The following ANO3 variants were observed in gnomAD, a reference collection of about 807,000 sequenced individuals.
ANO3 encodes the protein anoctamin-3.
ANO3 carries 99 observed loss-of-function variants against 144.8 expected under a neutral mutation model. The observed-to-expected ratio is 0.68, with a 90% CI of 0.58 to 0.81. The LOEUF is 0.81. ANO3 is among the 30% of genes least tolerant of loss of function. The pLI, the probability that ANO3 is intolerant of heterozygous loss-of-function variation, is 0.00. For synonymous variants in ANO3, 414 were observed against 392.6 expected, an observed-to-expected ratio of 1.05 and a Z score of -0.64; for missense variants, 905 against 1,202.2, an observed-to-expected ratio of 0.75 and a Z score of 3.66.
intron 1 of ANO3, among the ~76,000 whole-genome samples, chr11:26,287,133 T>C (rs1416336284): frequency 5.3e-5 from 8 of 152,290 alleles, no homozygotes; most frequent in African/African-American, 1.7e-4. Context: ...GAAAGCCGAA[T>C]TGATAGAGTG....
At chr11:26,216,310 A>G (rs1233386017) in intron 1 of ANO3, among the ~76,000 whole-genome samples, 2 of 151,950 alleles carry the variant, frequency 1.3e-5, no homozygotes, top group Non-Finnish European at 2.9e-5. Flanking sequence ...GGCTTCATTA[A>G]TTAACCTCCC....
intron 17 of ANO3, among the ~76,000 whole-genome samples, chr11:26,618,387 C>A (rs1400173985): frequency 1.3e-5 from 2 of 152,072 alleles, no homozygotes; most frequent in Admixed American, 1.3e-4. Context: ...GCTCACCATC[C>A]TTGCTTCTCC....
At chr11:26,544,148 T>A (rs910454791) in intron 11 of ANO3, among the ~76,000 whole-genome samples, 20 of 150,574 alleles carry the variant, frequency 1.3e-4, no homozygotes, top group Admixed American at 2.7e-4. Context: ...TAGTTACATT[T>A]ACTTAGCTTA....
At chr11:26,584,307 T>C (rs1013595376) in intron 14 of ANO3, among the ~76,000 whole-genome samples, 1 of 152,112 alleles carries the variant, frequency 6.6e-6, no homozygotes, top group Non-Finnish European at 1.5e-5. Context: ...TACAGGTGTC[T>C]GCCACCATGC....
intron 1 of ANO3, among the ~76,000 whole-genome samples, chr11:26,281,007 T>C (rs1379605886): frequency 6.6e-6 from 1 of 152,196 alleles, no homozygotes; most frequent in Non-Finnish European, 1.5e-5. Context: ...GTCTCTATCA[T>C]TGTTTTATCC....
intron 1 of ANO3, among the ~76,000 whole-genome samples, chr11:26,415,582 A>G (rs1172821264): frequency 6.6e-6 from 1 of 152,000 alleles, no homozygotes; most frequent in Non-Finnish European, 1.5e-5. Context: ...CATCTTTCCT[A>G]TTGCAAAAAG....
At chr11:26,579,646 G>C (rs1195444057) in intron 14 of ANO3, among the ~76,000 whole-genome samples, 1 of 152,168 alleles carries the variant, frequency 6.6e-6, no homozygotes. Flanking sequence ...CAACAGATTA[G>C]ATATGCTAGG....
chr11:26,262,399 C>T (rs1227775919), intron 1 of ANO3, among the ~76,000 whole-genome samples: 1 of 152,014 alleles, frequency 6.6e-6, no homozygotes, highest in Non-Finnish European at 1.5e-5. Context: ...GGCCCAGTAA[C>T]CCACTATGCT....
At chr11:26,282,058 T>C (rs7945497) in intron 1 of ANO3, among the ~76,000 whole-genome samples, 15,604 of 152,146 alleles carry the variant, frequency 0.1, 1,354 homozygotes, top group African/African-American at 0.24. Flanking sequence ...TGAAGCAGTG[T>C]TTGGGGTTAC....
rs1252832135 is a variant in ANO3 at position 26,660,987 on chromosome 11, T to C, written c.*543T>C. 1.3e-5 allele frequency: 2 copies of C among 152,910 alleles called. No individual in the cohort carries two copies. The highest frequency in any genetic ancestry group is 1.9e-4 in the East Asian group (1 of 5,190). 9.5% of individuals were successfully genotyped at this position (152,910 alleles called of 1,614,324 possible). ...TTGCCCATGTCTCTTGCTGAGATTA[T>C]GGATCTGTGCCACAGGGGATTTATG... On this transcript the variant is annotated 3_prime_UTR_variant, in exon 27 of 27. Coordinates refer to ENST00000256737, the MANE Select transcript of ANO3 (RefSeq NM_031418.4).
chr11:26,259,490 A>C (rs960175638), intron 1 of ANO3, among the ~76,000 whole-genome samples: 5 of 150,398 alleles, frequency 3.3e-5, no homozygotes, highest in Non-Finnish European at 7.4e-5. Context: ...TCTACTAAAA[A>C]TACAAAAATT....
In ANO3 at chr11:26,441,902, C is replaced by T; in HGVS notation, c.47-16C>T. 6.3e-7 allele frequency: 1 copy of T among 1,598,428 alleles called. No homozygotes were observed. The highest frequency in any genetic ancestry group is 8.5e-7 in the Non-Finnish European group (1 of 1,171,140). ...TTGATTTTTTATTGCTAAAACTCAACATTTTGGATTTGCAGGTATGAATAT... is the reference window on the plus strand; with the variant it reads ...TTGATTTTTTATTGCTAAAACTCAATATTTTGGATTTGCAGGTATGAATAT... On this transcript the variant is annotated splice_polypyrimidine_tract_variant and intron_variant, in intron 1 of 26. Coordinates refer to ENST00000256737, the MANE Select transcript of ANO3 (RefSeq NM_031418.4).
intron 13 of ANO3, among the ~76,000 whole-genome samples, chr11:26,556,894 T>C (rs376450190): frequency 6.6e-6 from 1 of 152,126 alleles, no homozygotes; most frequent in African/African-American, 2.4e-5. Context: ...TTTAGTGGGA[T>C]ATAAGTGGCA....
chr11:26,496,875 G>C (rs1860966977), intron 4 of ANO3, among the ~76,000 whole-genome samples: 1 of 151,310 alleles, frequency 6.6e-6, no homozygotes, highest in African/African-American at 2.4e-5. Context: ...TTTTCTGGCT[G>C]AGTAGCATTC....
chr11:26,354,155 T>C (rs2133916273), intron 1 of ANO3, among the ~76,000 whole-genome samples: 1 of 152,324 alleles, frequency 6.6e-6, no homozygotes, highest in Admixed American at 6.5e-5. Flanking sequence ...TAGGAGGTAT[T>C]GCTAAGACAA....
At chr11:26,588,140 A>G (rs1851342008) in intron 14 of ANO3, among the ~76,000 whole-genome samples, 1 of 152,234 alleles carries the variant, frequency 6.6e-6, no homozygotes. Flanking sequence ...AACTTGTATA[A>G]CCACCGTCAC....
Position 26,542,071 on chromosome 11 carries a change from A to G in ANO3, c.1154+3A>G. On this transcript the variant is annotated splice_donor_region_variant and intron_variant, in intron 11 of 26. Coordinates refer to ENST00000256737, the MANE Select transcript of ANO3 (RefSeq NM_031418.4). ...CATCAGCCTCTGGATTTAATCAGGT[A>G]CTGCAAATGGAACAATAATGAAAAG... The G allele has an allele frequency of 6.2e-7, 1 of 1,606,814 alleles. No individual in the cohort carries two copies. Among genetic ancestry groups the G allele is most frequent in the Non-Finnish European group, 8.5e-7 (1 of 1,177,132 alleles).
At chr11:26,409,446 G>A (rs1429293891) in intron 1 of ANO3, among the ~76,000 whole-genome samples, 1 of 59,288 alleles carries the variant, frequency 1.7e-5, no homozygotes. Context: ...TGGCCCTGAA[G>A]AATGCACATG....
intron 1 of ANO3, among the ~76,000 whole-genome samples, chr11:26,368,439 ATC>A (rs1564986501): frequency 1.3e-5 from 2 of 151,878 alleles, no homozygotes; most frequent in East Asian, 1.9e-4. Context: ...AAATAAAATC[ATC>A]CATTTCCTGA....
Sources: gnomAD v4.1 joint callset for allele counts (sites outside exome capture counted in the v4.1 genomes callset) on GRCh38, gnomAD v4.1.1 for gene constraint, MANE v1.5 for transcripts, NCBI Gene and HGNC (gene_info 2026-07-23, HGNC 2026-07-21) for gene names.